RTF1: variants seen among roughly 807,000 people sequenced by gnomAD.
The protein encoded by RTF1 is RNA polymerase-associated protein RTF1 homolog.
RTF1 carries 10 observed loss-of-function variants against 95.7 expected under a neutral mutation model. That is an observed-to-expected ratio of 0.10 (90% CI 0.06 to 0.18). The LOEUF is 0.18. Ranked by LOEUF, RTF1 falls within the 10% of genes least tolerant of loss-of-function variation. The pLI, the probability that RTF1 is intolerant of heterozygous loss-of-function variation, is 1.00. For synonymous variants in RTF1, 305 were observed against 311.8 expected, an observed-to-expected ratio of 0.98 and a Z score of 0.23; for missense variants, 458 against 875.6, an observed-to-expected ratio of 0.52 and a Z score of 6.02.
At chr15:41,436,705 C>T (rs2140950904) in intron 1 of RTF1, among the ~76,000 whole-genome samples, 1 of 150,824 alleles carries the variant, frequency 6.6e-6, no homozygotes, top group South Asian at 2.1e-4. Context: ...GAGGCACGGC[C>T]ATTGCTTGAA....
At chr15:41,451,934 G>A (rs1027167655) in intron 2 of RTF1, among the ~76,000 whole-genome samples, 84 of 151,854 alleles carry the variant, frequency 5.5e-4, no homozygotes, top group African/African-American at 2.0e-3. Flanking sequence ...GCTGTGTTGC[G>A]CACCTGTAGT....
chr15:41,429,715 C>G (rs1228898151), intron 1 of RTF1, among the ~76,000 whole-genome samples: 1 of 152,100 alleles, frequency 6.6e-6, no homozygotes, highest in Non-Finnish European at 1.5e-5. Context: ...TTAGCTGTTC[C>G]ATCTGAAGGC....
At chr15:41,438,199 C>T in intron 1 of RTF1, 122 bp from the exon 2 acceptor site, 1 of 554,936 alleles carries the variant, frequency 1.8e-6, no homozygotes, top group East Asian at 3.0e-5. Context: ...GTCCCTGTGA[C>T]AATGTCCTTT....
intron 1 of RTF1, among the ~76,000 whole-genome samples, chr15:41,424,903 T>C (rs952538833): frequency 2.7e-5 from 4 of 150,536 alleles, no homozygotes; most frequent in Non-Finnish European, 4.4e-5. Context: ...CAGCCACTGG[T>C]GAGGCTGAGG....
At chr15:41,454,154 T>G (rs1401433993) in intron 3 of RTF1, among the ~76,000 whole-genome samples, 5 of 152,172 alleles carry the variant, frequency 3.3e-5, no homozygotes, top group African/African-American at 1.2e-4. Flanking sequence ...TGGAGTGCAA[T>G]GGCGCGTTCT....
chr15:41,478,774 T>C (rs2050955173), intron 15 of RTF1, 149 bp downstream of exon 15: 1 of 689,674 alleles, frequency 1.4e-6, no homozygotes, highest in African/African-American at 1.8e-5. Context: ...TACTTCCTTT[T>C]TTATCTTGCT....
chr15:41,441,118 C>A (rs2050732732), intron 2 of RTF1, among the ~76,000 whole-genome samples: 1 of 151,800 alleles, frequency 6.6e-6, no homozygotes, highest in South Asian at 2.1e-4. Context: ...ACTACAGGCG[C>A]CTGCCACCAC....
At position 41,475,544 on chromosome 15, in the gene RTF1, G is replaced by A; in HGVS notation, c.1306G>A (p.Val436Met). 1.2e-6 allele frequency: 2 copies of A among 1,614,122 alleles called. No homozygotes were observed. Among genetic ancestry groups the A allele is most frequent in the Non-Finnish European group, 1.7e-6 (2 of 1,179,996 alleles). The part of the protein sequence containing the change: ...LQLRHGNDQR[V>M]FRLEFVSNQE... ...ATGTAGGCATGGCAATGACCAACGC[G>A]TGTTCCGTTTAGAGTTTGTCTCAAA... The change falls in exon 10 of 18, where the codon GTG becomes ATG. Residue 436 changes from valine (V) to methionine (M), a missense_variant. Val to Met is a conservative substitution (Grantham distance 21, BLOSUM62 1). Around this residue, in one of 11 missense-constraint regions of RTF1, gnomAD observed 150 missense variants for 275.7 expected, o/e 0.54. Coordinates refer to ENST00000389629, the MANE Select transcript of RTF1 (RefSeq NM_015138.5).
chr15:41,438,493 G>C, intron 2 of RTF1, 62 bp downstream of exon 2: 2 of 1,062,450 alleles, frequency 1.9e-6, no homozygotes, highest in Middle Eastern at 2.7e-4. Context: ...CGCTTTGGTG[G>C]CTCCTGTTGG....
chr15:41,472,211 T>G (rs1353709950), intron 8 of RTF1, among the ~76,000 whole-genome samples: 4 of 149,970 alleles, frequency 2.7e-5, no homozygotes, highest in African/African-American at 4.9e-5. Context: ...ATTTATTTGT[T>G]GTTTTTTTTT....
At chr15:41,429,984 A>C (rs958846430) in intron 1 of RTF1, among the ~76,000 whole-genome samples, 2 of 142,374 alleles carry the variant, frequency 1.4e-5, no homozygotes. Context: ...TTTTTAATTT[A>C]ATTTAATTTA....
chr15:41,435,535 A>G (rs891996456), intron 1 of RTF1, among the ~76,000 whole-genome samples: 3 of 152,310 alleles, frequency 2.0e-5, no homozygotes, highest in Middle Eastern at 3.4e-3. Context: ...CATTTGGTCC[A>G]TAGAGTTAAC....
chr15:41,457,167 C>T (rs1348814114), intron 3 of RTF1, among the ~76,000 whole-genome samples: 4 of 152,134 alleles, frequency 2.6e-5, no homozygotes, highest in Non-Finnish European at 5.9e-5. Flanking sequence ...TTTGGGAGGC[C>T]AAGTCAGGAG....
At chr15:41,468,936 T>C (rs2050895498) in intron 6 of RTF1, among the ~76,000 whole-genome samples, 1 of 152,188 alleles carries the variant, frequency 6.6e-6, no homozygotes, top group African/African-American at 2.4e-5. Flanking sequence ...TTTTAATCCA[T>C]TGCAGTTATT....
rs185445864 is a variant in RTF1 at position 41,426,323 on chromosome 15, T to G, written c.198+9010T>G. Among the ~76,000 whole-genome samples, 820 of 150,674 alleles carry G rather than the reference T, an allele frequency of 5.4e-3. 10 individuals carry two copies. Among genetic ancestry groups the G allele is most frequent in the African/African-American group, 0.018 (749 of 41,068 alleles). On this transcript the variant is annotated intron_variant, in intron 1 of 17. Transcript: ENST00000389629. ...GATTGTTTGTTTTTATTTTTTTTTT[T>G]GGGATAGAGTCTCGCTCTGTCGCCC...
chr15:41,450,595 A>AG (rs1350853906), intron 2 of RTF1, among the ~76,000 whole-genome samples: 1 of 151,990 alleles, frequency 6.6e-6, no homozygotes, highest in Non-Finnish European at 1.5e-5. Context: ...AAAAAAAAAA[A>AG]AAAAAATTAT....
intron 3 of RTF1, among the ~76,000 whole-genome samples, chr15:41,456,444 G>A (rs890454437): frequency 3.3e-5 from 5 of 150,456 alleles, no homozygotes; most frequent in African/African-American, 9.8e-5. Flanking sequence ...AGTCGAGATC[G>A]TGCCACTGCA....
At chr15:41,450,186 AC>A (rs1316414187) in intron 2 of RTF1, among the ~76,000 whole-genome samples, 4 of 152,116 alleles carry the variant, frequency 2.6e-5, no homozygotes, top group Admixed American at 6.6e-5. Context: ...ACAGAGCAAG[AC>A]CCAGTCTCAA....
chr15:41,477,132 C>G (rs2050945607), intron 12 of RTF1, 33 bp from the exon 13 acceptor site: 1 of 1,613,868 alleles, frequency 6.2e-7, no homozygotes, highest in South Asian at 1.1e-5. Flanking sequence ...TGTATGTAGC[C>G]AAGAACGAAC....
Sources: gnomAD v4.1 joint callset for allele counts (sites outside exome capture counted in the v4.1 genomes callset) on GRCh38, gnomAD v4.1.1 for gene constraint, gnomAD v4.1.1 regional missense constraint, MANE v1.5 for transcripts, NCBI Gene and HGNC (gene_info 2026-07-23, HGNC 2026-07-21) for gene names.